The following CD109 variants were observed in gnomAD, a reference collection of about 807,000 sequenced individuals.
CD109 encodes CD109 antigen.
A neutral mutation model predicts 165.8 loss-of-function variants in CD109; 149 were observed. The ratio of observed to expected loss-of-function variants is 0.90; its 90% confidence interval spans 0.79 to 1.03. The LOEUF is 1.03. CD109 is among the 50% of genes least tolerant of loss of function. The pLI is 0.00. For synonymous variants in CD109, 585 were observed against 592.1 expected (o/e 0.99, Z 0.18); for missense variants, 1,712 against 1,677.8 (o/e 1.02, Z -0.36).
At chr6:73,698,982 T>A (rs1245373327) in intron 2 of CD109, among the ~76,000 whole-genome samples, 1 of 152,158 alleles carries the variant, frequency 6.6e-6, no homozygotes, top group African/African-American at 2.4e-5. Flanking sequence ...AGGCATGCAA[T>A]AAACAACAAT....
chr6:73,738,105 G>A (rs995249525), intron 5 of CD109, among the ~76,000 whole-genome samples: 1 of 152,190 alleles, frequency 6.6e-6, no homozygotes, highest in African/African-American at 2.4e-5. Flanking sequence ...ACATAAGGGG[G>A]ACAGACAAAC....
intron 4 of CD109, among the ~76,000 whole-genome samples, chr6:73,735,141 G>A (rs1452024112): frequency 1.3e-5 from 2 of 152,186 alleles, no homozygotes; most frequent in Admixed American, 6.5e-5. Context: ...GGAGGAAGAT[G>A]AGCCTAGAAA....
chr6:73,781,890 T>C (rs918747148), intron 17 of CD109, among the ~76,000 whole-genome samples: 1 of 151,948 alleles, frequency 6.6e-6, no homozygotes. Flanking sequence ...CATCCTAGTT[T>C]CTTGAATTGC....
intron 15 of CD109, among the ~76,000 whole-genome samples, chr6:73,775,149 T>A (rs1774192920): frequency 6.6e-6 from 1 of 152,032 alleles, no homozygotes. Flanking sequence ...TTGCTTTTTT[T>A]AAAATAAATT....
chr6:73,708,028 T>C (rs1455222528), intron 2 of CD109, among the ~76,000 whole-genome samples: 1 of 144,680 alleles, frequency 6.9e-6, no homozygotes, highest in African/African-American at 2.6e-5. Context: ...CTTTATGTCC[T>C]AGGGTACATG....
intron 5 of CD109, among the ~76,000 whole-genome samples, chr6:73,738,225 T>TGTCTCC (rs1370930662): frequency 6.6e-6 from 1 of 152,264 alleles, no homozygotes; most frequent in Non-Finnish European, 1.5e-5. Context: ...CTGCTCCTTC[T>TGTCTCC]GTCTCCCATG....
At chr6:73,767,961 T>A (rs764263739) in intron 13 of CD109, 94 bp from the exon 14 acceptor site, 2 of 1,021,848 alleles carry the variant, frequency 2.0e-6, no homozygotes, top group Non-Finnish European at 3.0e-6. Context: ...AATTCAAGAA[T>A]TTGTGTGTAT....
intron 16 of CD109, among the ~76,000 whole-genome samples, chr6:73,781,009 G>A (rs199503770): frequency 2.5e-4 from 27 of 108,216 alleles, no homozygotes; most frequent in African/African-American, 3.4e-4. Context: ...GTGTATGCGT[G>A]TGTGTGTGTG....
intron 5 of CD109, among the ~76,000 whole-genome samples, chr6:73,753,561 G>T (rs1773274863): frequency 6.6e-6 from 1 of 152,180 alleles, no homozygotes; most frequent in African/African-American, 2.4e-5. Flanking sequence ...ACCTTGGGAA[G>T]ACATTGTGTA....
Position 73,766,155 on chromosome 6 carries a change from G to A in CD109, c.1332+1G>A. 6 of 1,611,380 alleles carry A rather than the reference G, an allele frequency of 3.7e-6. No individual in the cohort carries two copies. The highest frequency in any genetic ancestry group is 5.1e-6 in the Non-Finnish European group (6 of 1,177,646). On this transcript the variant is annotated splice_donor_variant, in intron 11 of 32. Coordinates refer to ENST00000287097, the MANE Select transcript of CD109 (RefSeq NM_133493.5). LOFTEE classifies it high-confidence loss of function. ...GGATTCCAGTGAGCTACAGTTGAAG[G>A]TGCCGTCTGTTTCCCATCATTGTGT...
At chr6:73,719,518 A>C (rs1177461394) in intron 2 of CD109, among the ~76,000 whole-genome samples, 2 of 152,210 alleles carry the variant, frequency 1.3e-5, no homozygotes, top group Non-Finnish European at 2.9e-5. Flanking sequence ...ATTGTACATC[A>C]GCATGAACTC....
chr6:73,823,724 GAA>G lies in CD109; in HGVS notation c.*96_*97del. On this transcript the variant is annotated 3_prime_UTR_variant, in exon 33 of 33. Transcript: ENST00000287097. Reference sequence around the variant, plus strand: ...CGTAGAAGAATACTGCTTCTATTTTGAAAAAAGAGTTTTTTTTCTTTCTATGG... The same window carrying G: ...CGTAGAAGAATACTGCTTCTATTTTGAAAAGAGTTTTTTTTCTTTCTATGG... 7.9e-7 allele frequency: 1 copy of G among 1,259,196 alleles called. No individual in the cohort carries two copies. The highest frequency in any genetic ancestry group is 1.1e-6 in the Non-Finnish European group (1 of 910,794). 78.0% of individuals were successfully genotyped at this position (1,259,196 alleles called of 1,614,324 possible). A position where few individuals can be genotyped will look rare whatever the true frequency, so the allele number is the denominator to read the frequency against.
At chr6:73,699,008 T>A (rs1770958513) in intron 2 of CD109, among the ~76,000 whole-genome samples, 1 of 152,222 alleles carries the variant, frequency 6.6e-6, no homozygotes, top group Non-Finnish European at 1.5e-5. Flanking sequence ...ATATTATTAG[T>A]GTAATAATAC....
At chr6:73,783,857 C>A in intron 19 of CD109, 33 bp downstream of exon 19, 1 of 1,226,136 alleles carries the variant, frequency 8.2e-7, no homozygotes, top group Non-Finnish European at 1.2e-6. Flanking sequence ...ATCAGTATTA[C>A]GGTGACATTA....
chr6:73,742,193 GC>G (rs869282563), intron 5 of CD109, among the ~76,000 whole-genome samples: 1 of 90,686 alleles, frequency 1.1e-5, no homozygotes, highest in African/African-American at 4.6e-5. Flanking sequence ...CCACCCCCCA[GC>G]CCCTGGCAGC....
At chr6:73,688,761 G>GTTTTTTTTTTTTTT in the CD109 span, among the ~76,000 whole-genome samples, 8 of 73,532 alleles carry the variant, frequency 1.1e-4, 1 homozygote, top group Admixed American at 7.3e-4. Context: ...GTTTTTCTTT[G>GTTTTTTTTTTTTTT]TTTTTTTTTT....
chr6:73,702,306 A>T (rs541810306), intron 2 of CD109, among the ~76,000 whole-genome samples: 1 of 152,276 alleles, frequency 6.6e-6, no homozygotes, highest in Non-Finnish European at 1.5e-5. Context: ...TTAGCTGAAA[A>T]ACTTAAAAAA....
At chr6:73,695,705 T>TGTGC (rs1269265111), upstream of CD109, 2 of 159,424 alleles carry the variant, frequency 1.3e-5, no homozygotes, top group African/African-American at 2.4e-5. Context: ...TGCGTGTGTG[T>TGTGC]GTGCGTGTGT....
Position 73,712,042 on chromosome 6 carries a change from A to G in CD109, c.248-11209A>G, listed in dbSNP as rs557453522. 4.6e-4 allele frequency among the ~76,000 whole-genome samples: 70 copies of G among 152,256 alleles called. No individual in the cohort carries two copies. The South Asian group carries it at 0.013, about 28-fold the overall frequency. ...TCTATTATTTCACTCTCTAAAAAAT[A>G]TTGTATTTTATACAAAAATTAGCCG... On this transcript the variant is annotated intron_variant, in intron 2 of 32. Transcript: ENST00000287097.
Sources: allele counts gnomAD v4.1 joint callset (sites outside exome capture counted in the v4.1 genomes callset), GRCh38; gene constraint gnomAD v4.1.1; transcripts MANE v1.5; gene names NCBI Gene and HGNC (gene_info 2026-07-23, HGNC 2026-07-21).